PPM1D: variants seen among roughly 807,000 people sequenced by gnomAD.
The protein encoded by PPM1D is protein phosphatase, Mg2+/Mn2+ dependent 1D.
PPM1D carries 52 observed loss-of-function variants against 58.3 expected under a neutral mutation model. The ratio of observed to expected loss-of-function variants is 0.89; its 90% CI spans 0.71 to 1.12. The LOEUF (loss-of-function observed/expected upper bound fraction) is 1.12, where lower values mean the gene tolerates loss of function less well. PPM1D is among the 50% of genes most tolerant of loss of function. The probability of loss-of-function intolerance (pLI) is 0.00; values close to 1 mark genes in which losing one functional copy is unlikely to be tolerated. For synonymous variants in PPM1D, 278 were observed against 285.1 expected (o/e 0.98, Z 0.25); for missense variants, 564 against 777.2 (o/e 0.73, Z 3.26).
rs552338842 is a variant in PPM1D, at chr17:60,600,536, C to T, written c.122C>T (p.Pro41Leu). The T allele has an allele frequency of 1.3e-6, 2 of 1,555,080 alleles. No homozygotes were observed. Among genetic ancestry groups the T allele is most frequent in the East Asian group, 2.4e-5 (1 of 41,346 alleles). The change falls in exon 1 of 6, where the codon CCG (proline) becomes CTG (leucine). Residue 41 changes from proline (P) to leucine (L), a missense_variant. Around this residue, in one of 7 missense-constraint regions of PPM1D, gnomAD observed 132 missense variants for 150.4 expected, o/e 0.88. Coordinates refer to ENST00000305921, the MANE Select transcript of PPM1D (RefSeq NM_003620.4). ...CCGACGGCTGAAGAAAAGCCCTCGCCGCGGCGGTCGCTGTCTCAGCCGTTG... is the reference window on the plus strand; with the variant it reads ...CCGACGGCTGAAGAAAAGCCCTCGCTGCGGCGGTCGCTGTCTCAGCCGTTG... ...PEPTAEEKPS[P>L]RRSLSQPLPP...
intron 1 of PPM1D, among the ~76,000 whole-genome samples, chr17:60,609,450 C>CTT (rs2143627431): frequency 6.6e-6 from 1 of 152,256 alleles, no homozygotes; most frequent in Non-Finnish European, 1.5e-5. Context: ...ATTGTCATCC[C>CTT]TTATGTGTTG....
At chr17:60,625,524 CT>C in intron 2 of PPM1D, among the ~76,000 whole-genome samples, 2 of 152,098 alleles carry the variant, frequency 1.3e-5, no homozygotes, top group Non-Finnish European at 2.9e-5. Context: ...CCAGAAGTAA[CT>C]TGAAGGCCTA....
chr17:60,638,396 TCTCA>T (rs1312694548), intron 3 of PPM1D, among the ~76,000 whole-genome samples: 2 of 152,014 alleles, frequency 1.3e-5, no homozygotes, highest in African/African-American at 4.8e-5. Context: ...TGAGATGGAA[TCTCA>T]CTCTGTTGCC....
chr17:60,616,287 CAAAA>C (rs540660869), intron 1 of PPM1D, among the ~76,000 whole-genome samples: 1 of 70,448 alleles, frequency 1.4e-5, no homozygotes, highest in Admixed American at 1.7e-4. Flanking sequence ...GGCTCTGTCT[CAAAA>C]AAAAAAAAAA....
At chr17:60,637,048 A>G (rs892057129) in intron 3 of PPM1D, among the ~76,000 whole-genome samples, 1 of 149,842 alleles carries the variant, frequency 6.7e-6, no homozygotes, top group East Asian at 2.0e-4. Context: ...AGCTCACTGC[A>G]ACCTTCACCT....
intron 2 of PPM1D, among the ~76,000 whole-genome samples, chr17:60,628,165 T>C (rs1220491731): frequency 3.3e-5 from 5 of 152,218 alleles, no homozygotes; most frequent in African/African-American, 1.2e-4. Context: ...GAATGCTTTT[T>C]AAAAATCCCT....
intron 3 of PPM1D, among the ~76,000 whole-genome samples, chr17:60,642,528 G>A (rs997639685): frequency 6.6e-6 from 1 of 151,866 alleles, no homozygotes; most frequent in Non-Finnish European, 1.5e-5. Flanking sequence ...GCGCGATCTC[G>A]GCTCACTGCA....
chr17:60,620,199 G>A (rs1291015370), intron 1 of PPM1D, among the ~76,000 whole-genome samples: 7 of 151,884 alleles, frequency 4.6e-5, no homozygotes, highest in Non-Finnish European at 1.0e-4. Context: ...GGGTTTCACC[G>A]TGTTAGCCAG....
chr17:60,659,804 A>G (rs1285779940), intron 5 of PPM1D, among the ~76,000 whole-genome samples: 2 of 152,220 alleles, frequency 1.3e-5, no homozygotes, highest in Non-Finnish European at 2.9e-5. Context: ...TGCCTGTGCT[A>G]ACAGATACAA....
At position 60,663,240 on chromosome 17, in the gene PPM1D, T is replaced by A; in HGVS notation, c.1506T>A (p.Asn502Lys). Reference sequence around the variant, plus strand: ...TTCCAATTGGCCTTGTGCCTACTAATTCAACAAACACTGTCATGGACCAAA... The same window carrying A: ...TTCCAATTGGCCTTGTGCCTACTAAATCAACAAACACTGTCATGGACCAAA... Reference protein sequence around the residue: ...NSLPIGLVPTNSTNTVMDQKN... With the variant: ...NSLPIGLVPTKSTNTVMDQKN... Residue 502 changes from asparagine (N) to lysine (K), a missense_variant, in exon 6 of 6, where the codon AAT becomes AAA. Around this residue, in one of 7 missense-constraint regions of PPM1D, gnomAD observed 261 missense variants for 270.1 expected, o/e 0.97. Transcript: ENST00000305921. 1 of 1,614,154 alleles carries A rather than the reference T, an allele frequency of 6.2e-7. No individual in the cohort carries two copies. The highest frequency in any genetic ancestry group is 8.5e-7 in the Non-Finnish European group (1 of 1,180,028).
At chr17:60,635,849 A>G (rs562230645) in intron 3 of PPM1D, among the ~76,000 whole-genome samples, 3 of 152,368 alleles carry the variant, frequency 2.0e-5, no homozygotes, top group East Asian at 3.9e-4. Context: ...ATTGCTGTGT[A>G]ATCAAATACT....
chr17:60,665,673 CCA>C lies in PPM1D; in HGVS notation c.*2122_*2123del, dbSNP rs2031605417. 6.6e-6 allele frequency: 1 copy of C among 152,162 alleles called. No homozygotes were observed. The highest frequency in any genetic ancestry group is 2.4e-5 in the African/African-American group (1 of 41,422). 9.4% of individuals were successfully genotyped at this position (152,162 alleles called of 1,614,324 possible). ...CAGTTTAAAACAACAAATATTATCT[CCA>C]GTTTCTGAGCCTCAGAAATCTGAGA... On this transcript the variant is annotated 3_prime_UTR_variant, in exon 6 of 6. Coordinates refer to ENST00000305921, the MANE Select transcript of PPM1D (RefSeq NM_003620.4).
At chr17:60,613,756 G>A (rs1007120199) in intron 1 of PPM1D, among the ~76,000 whole-genome samples, 1 of 152,230 alleles carries the variant, frequency 6.6e-6, no homozygotes, top group Non-Finnish European at 1.5e-5. Flanking sequence ...CTTAGCACCC[G>A]GGCCACTAGC....
intron 3 of PPM1D, among the ~76,000 whole-genome samples, chr17:60,645,084 T>C (rs1023931784): frequency 1.3e-5 from 2 of 152,180 alleles, no homozygotes; most frequent in African/African-American, 2.4e-5. Context: ...CTGGGCGTGG[T>C]GTCTAACGCC....
intron 4 of PPM1D, among the ~76,000 whole-genome samples, chr17:60,648,515 G>T (rs963977646): frequency 4.6e-5 from 7 of 151,546 alleles, no homozygotes; most frequent in Non-Finnish European, 1.5e-5. Context: ...CTCCTGAGTA[G>T]CTGGGACTAC....
chr17:60,650,138 T>G (rs2031316794), intron 4 of PPM1D, among the ~76,000 whole-genome samples: 1 of 151,972 alleles, frequency 6.6e-6, no homozygotes, highest in Admixed American at 6.6e-5. Context: ...CCTGGAAGAG[T>G]GAGACGATAG....
In PPM1D at chr17:60,663,690, T is replaced by C. The variant is rs1335739403; in HGVS notation, c.*138T>C. The C allele has an allele frequency of 4.5e-6, 4 of 882,222 alleles. No individual in the cohort carries two copies. Among genetic ancestry groups the C allele is most frequent in the Non-Finnish European group, 6.7e-6 (4 of 596,268 alleles). The allele number at this position is 882,222 out of a possible 1,614,324, so 54.6% of individuals were successfully genotyped here. ...TTGACTTTTTGGAATTCAGCAGTTT[T>C]ATCCTGGCCTTGTACTTGCTTGTAT... On this transcript the variant is annotated 3_prime_UTR_variant, in exon 6 of 6. Transcript: ENST00000305921.
intron 1 of PPM1D, among the ~76,000 whole-genome samples, chr17:60,613,902 C>T (rs1374066122): frequency 7.0e-6 from 1 of 143,074 alleles, no homozygotes; most frequent in Non-Finnish European, 1.5e-5. Flanking sequence ...CCCCCCCCCG[C>T]CACCCCCCCG....
In PPM1D at chr17:60,663,151, C is replaced by CCA. The variant is rs2031556732; in HGVS notation, c.1419_1420dup (p.Leu474HisfsTer10). ...AGTCATACCCTCAAAAGATCCAGAA[C>CCA]CACTTGAAGAAAATTGCGCTAAAGC... On this transcript the variant is annotated frameshift_variant, in exon 6 of 6. Transcript: ENST00000305921. LOFTEE classifies it high-confidence loss of function. 6.2e-7 allele frequency: 1 copy of CCA among 1,614,006 alleles called. No homozygotes were observed. The highest frequency in any genetic ancestry group is 8.5e-7 in the Non-Finnish European group (1 of 1,180,008).
Sources: allele counts gnomAD v4.1 joint callset (sites outside exome capture counted in the v4.1 genomes callset), GRCh38; gene constraint gnomAD v4.1.1; regional missense constraint gnomAD v4.1.1; transcripts MANE v1.5; gene names NCBI Gene and HGNC (gene_info 2026-07-23, HGNC 2026-07-21).